Variants in SNTG1 observed in about 807,000 individuals in gnomAD.
SNTG1 encodes the protein syntrophin gamma 1, also known as gamma-1-syntrophin.
SNTG1 carries 39 observed loss-of-function variants against 74.7 expected under a neutral mutation model. The observed-to-expected ratio is 0.52, with a 90% CI of 0.40 to 0.68. The LOEUF is 0.68. Among genes scored for constraint, SNTG1 ranks in the 30% least tolerant of loss-of-function variants. SNTG1 has a pLI of 0.00. For synonymous variants in SNTG1, 254 were observed against 217.1 expected (o/e 1.17, Z -1.49); for missense variants, 685 against 609.5 (o/e 1.12, Z -1.30).
At position 50,525,774 on chromosome 8, in the gene SNTG1, GT is replaced by G. The variant is rs568070973; in HGVS notation, c.467-4398del. 4.7e-5 allele frequency among the ~76,000 whole-genome samples: 7 copies of G among 150,350 alleles called. No homozygotes were observed. In the East Asian group the frequency reaches 1.4e-3, roughly 29 times the overall value. ...TTTCTAATTTTATTTAGCTATCTGT[GT>G]TTTTGTTTTAGCACACTGAGCTTCT... is the stretch of plus-strand genomic sequence containing the variant. On this transcript the variant is annotated intron_variant, in intron 9 of 18. Coordinates refer to ENST00000642720, the MANE Select transcript of SNTG1 (RefSeq NM_018967.5).
intron 2 of SNTG1, among the ~76,000 whole-genome samples, chr8:50,301,943 G>A (rs540769410): frequency 5.3e-5 from 8 of 151,438 alleles, no homozygotes; most frequent in South Asian, 4.2e-4. Context: ...TGCAACCTCC[G>A]CCTCCTGGCT....
At position 50,119,669 on chromosome 8, in the gene SNTG1, G is replaced by A. The variant is rs977561; in HGVS notation, c.-102-52892G>A. Among the ~76,000 whole-genome samples, 36 of 141,600 alleles carry A rather than the reference G, an allele frequency of 2.5e-4. 9 individuals carry two copies. The South Asian group carries it at 5.6e-3, about 22-fold the overall frequency. 92.9% of individuals were successfully genotyped at this position (141,600 alleles called of 152,430 possible). A position where few individuals can be genotyped will look rare whatever the true frequency, so the allele number is the denominator to read the frequency against. ...ACAGATAATAGCTAGCATTGAGCTA[G>A]CTAGCTATTATTTTTTATCAAAACC... On this transcript the variant is annotated intron_variant, in intron 1 of 18. Transcript: ENST00000642720.
At chr8:49,971,002 C>T (rs981222076) in intron 1 of SNTG1, among the ~76,000 whole-genome samples, 3 of 152,140 alleles carry the variant, frequency 2.0e-5, no homozygotes, top group African/African-American at 4.8e-5. Flanking sequence ...AGAGGGAATC[C>T]TCCCTAACTC....
intron 18 of SNTG1, among the ~76,000 whole-genome samples, 185 bp from the exon 19 acceptor site, chr8:50,792,486 T>C (rs1190198995): frequency 1.3e-5 from 2 of 151,900 alleles, no homozygotes; most frequent in South Asian, 2.1e-4. Context: ...TGTATTGAAA[T>C]AAATTTTCAC....
chr8:50,530,321 C>A, intron 10 of SNTG1, 62 bp downstream of exon 10: 3 of 1,446,036 alleles, frequency 2.1e-6, no homozygotes, highest in Non-Finnish European at 2.9e-6. Flanking sequence ...ATAAAAACTG[C>A]TAGTGAATCT....
chr8:50,009,324 A>G (rs757026878), intron 1 of SNTG1, among the ~76,000 whole-genome samples: 23 of 152,114 alleles, frequency 1.5e-4, no homozygotes, highest in Non-Finnish European at 3.2e-4. Context: ...TGTGCATGAT[A>G]TAGGGATTGT....
rs869119447 is a variant in SNTG1 at position 50,462,796 on chromosome 8, C to CTTTTTTTTTTT, written c.363+12096_363+12106dup. On this transcript the variant is annotated intron_variant, in intron 8 of 18. Transcript: ENST00000642720. ...CTCAGTCGCATCTTCAGGTTCTACT[C>CTTTTTTTTTTT]TTTTTTTTTTTTTTTTTTTTTTTTT... Among the ~76,000 whole-genome samples, 17 of 57,456 alleles carry CTTTTTTTTTTT rather than the reference C, an allele frequency of 3.0e-4. 2 individuals carry two copies. The highest frequency in any genetic ancestry group is 4.1e-4 in the African/African-American group (7 of 17,044). The allele number at this position is 57,456 out of a possible 152,430, so 37.7% of individuals were successfully genotyped here. A position where few individuals can be genotyped will look rare whatever the true frequency, so the allele number is the denominator to read the frequency against.
intron 13 of SNTG1, among the ~76,000 whole-genome samples, chr8:50,625,044 C>A (rs2094947842): frequency 6.6e-6 from 1 of 152,136 alleles, no homozygotes; most frequent in South Asian, 2.1e-4. Flanking sequence ...ATTAACTGGT[C>A]AATTTCTCTA....
intron 17 of SNTG1, among the ~76,000 whole-genome samples, chr8:50,730,014 G>A (rs2095509220): frequency 6.6e-6 from 1 of 152,126 alleles, no homozygotes; most frequent in African/African-American, 2.4e-5. Flanking sequence ...CACGGACTGC[G>A]ATGCTAAAAA....
intron 10 of SNTG1, among the ~76,000 whole-genome samples, chr8:50,532,752 C>G (rs2094279273): frequency 6.6e-6 from 1 of 152,118 alleles, no homozygotes; most frequent in Non-Finnish European, 1.5e-5. Flanking sequence ...AGACAGTGGG[C>G]ACTCAGAAGA....
chr8:50,400,215 C>T (rs2092784726), intron 3 of SNTG1, among the ~76,000 whole-genome samples: 1 of 152,114 alleles, frequency 6.6e-6, no homozygotes, highest in African/African-American at 2.4e-5. Flanking sequence ...ATAGCATGCT[C>T]CTTAAATCTA....
rs2092699317 is a variant in SNTG1, at chr8:50,394,217, A to T, written c.-22A>T. 6.2e-7 allele frequency: 1 copy of T among 1,612,642 alleles called. No individual in the cohort carries two copies. The highest frequency in any genetic ancestry group is 8.5e-7 in the Non-Finnish European group (1 of 1,179,228). ...CCATTTCTGTGTCTTTTCAGACGACATCCTTTGTGGTGCCACAGCACATGG... is the reference window on the plus strand; with the variant it reads ...CCATTTCTGTGTCTTTTCAGACGACTTCCTTTGTGGTGCCACAGCACATGG... On this transcript the variant is annotated 5_prime_UTR_variant, in exon 3 of 19. Coordinates refer to ENST00000642720, the MANE Select transcript of SNTG1 (RefSeq NM_018967.5).
chr8:50,155,920 T>C (rs1270919838), intron 1 of SNTG1, among the ~76,000 whole-genome samples: 1 of 149,840 alleles, frequency 6.7e-6, no homozygotes, highest in Non-Finnish European at 1.5e-5. Context: ...AACAGAAAAA[T>C]CACAATTTGT....
At chr8:50,124,084 A>G (rs1361857625) in intron 1 of SNTG1, among the ~76,000 whole-genome samples, 3 of 142,120 alleles carry the variant, frequency 2.1e-5, no homozygotes, top group African/African-American at 7.6e-5. Context: ...CTGTACTTGG[A>G]GATGGTGTCT....
chr8:49,999,223 T>C (rs186711729), intron 1 of SNTG1, among the ~76,000 whole-genome samples: 30 of 152,312 alleles, frequency 2.0e-4, no homozygotes, highest in Non-Finnish European at 4.0e-4. Flanking sequence ...CAAACTTTTC[T>C]ACTTTTCTTT....
chr8:50,686,907 G>T (rs187123641), intron 15 of SNTG1, among the ~76,000 whole-genome samples: 1 of 150,800 alleles, frequency 6.6e-6, no homozygotes, highest in Non-Finnish European at 1.5e-5. Context: ...AGGCCGAGGC[G>T]GGTGGATCAT....
In SNTG1 at chr8:50,651,488, G is replaced by C. The variant is rs77152504; in HGVS notation, c.850-5421G>C. Among the ~76,000 whole-genome samples, 656 of 151,894 alleles carry C rather than the reference G, an allele frequency of 4.3e-3. 2 individuals carry two copies. Among genetic ancestry groups the C allele is most frequent in the African/African-American group, 0.015 (619 of 41,384 alleles). On this transcript the variant is annotated intron_variant, in intron 13 of 18. Coordinates refer to ENST00000642720, the MANE Select transcript of SNTG1 (RefSeq NM_018967.5). ...TCTTTTGGGGGGTGGATGGATTTTC[G>C]CTCTTGTTGCCCAGACTGGAGTGCA...
intron 17 of SNTG1, among the ~76,000 whole-genome samples, chr8:50,716,663 A>G (rs1162178502): frequency 6.6e-6 from 1 of 152,194 alleles, no homozygotes; most frequent in Non-Finnish European, 1.5e-5. Context: ...ATGACATTCA[A>G]AAAAACCCAA....
At chr8:49,929,170 C>A (rs1174013485) in intron 1 of SNTG1, among the ~76,000 whole-genome samples, 1 of 152,116 alleles carries the variant, frequency 6.6e-6, no homozygotes, top group African/African-American at 2.4e-5. Flanking sequence ...AGTATATTGA[C>A]AACCACTTCC....
Sources: gnomAD v4.1 joint callset for allele counts (sites outside exome capture counted in the v4.1 genomes callset) on GRCh38, gnomAD v4.1.1 for gene constraint, MANE v1.5 for transcripts, NCBI Gene and HGNC (gene_info 2026-07-23, HGNC 2026-07-21) for gene names.